The following CSMD1 variants were observed in gnomAD, a reference collection of about 807,000 sequenced individuals.
CSMD1 encodes the protein CUB and Sushi multiple domains 1.
CSMD1 carries 213 observed loss-of-function variants against 417.5 expected under a neutral mutation model. The ratio of observed to expected loss-of-function variants is 0.51; its 90% CI spans 0.46 to 0.57. CSMD1 has a LOEUF of 0.57. Among genes scored for constraint, CSMD1 ranks in the 20% least tolerant of loss-of-function variants. The pLI, the probability that CSMD1 is intolerant of heterozygous loss-of-function variation, is 0.00. For synonymous variants in CSMD1, 2,862 were observed against 1,736.8 expected (o/e 1.65, Z -16.11); for missense variants, 6,923 against 4,529.7 (o/e 1.53, Z -15.17).
At chr8:3,539,836 C>T (rs774347220) in intron 10 of CSMD1, among the ~76,000 whole-genome samples, 9 of 151,628 alleles carry the variant, frequency 5.9e-5, no homozygotes, top group Non-Finnish European at 8.8e-5. Flanking sequence ...GTTAAGGTGC[C>T]GTGGAAAATC....
At chr8:4,275,075 T>A (rs1796399277) in intron 3 of CSMD1, among the ~76,000 whole-genome samples, 1 of 152,142 alleles carries the variant, frequency 6.6e-6, no homozygotes, top group Non-Finnish European at 1.5e-5. Context: ...ACAATGAGAT[T>A]AGTGATATAA....
intron 4 of CSMD1, among the ~76,000 whole-genome samples, chr8:4,028,617 C>T (rs1797184965): frequency 6.6e-6 from 1 of 152,144 alleles, no homozygotes; most frequent in Non-Finnish European, 1.5e-5. Flanking sequence ...TGTAAATTGG[C>T]ATGCTTACAA....
In CSMD1 at chr8:3,669,984, C is replaced by A. The variant is rs540075925; in HGVS notation, c.1009+38430G>T. Reference sequence around the variant, plus strand: ...TTTATACCTTATTATTTTAAGCTATCAGGTGCAATTGCATACATTTCTAAA... The same window carrying A: ...TTTATACCTTATTATTTTAAGCTATAAGGTGCAATTGCATACATTTCTAAA... On this transcript the variant is annotated intron_variant, in intron 7 of 69. Coordinates refer to ENST00000635120, the MANE Select transcript of CSMD1 (RefSeq NM_033225.6). 4.6e-5 allele frequency among the ~76,000 whole-genome samples: 7 copies of A among 152,272 alleles called. No homozygotes were observed. The East Asian group carries it at 1.4e-3, about 29-fold the overall frequency.
intron 6 of CSMD1, among the ~76,000 whole-genome samples, chr8:3,736,668 C>G (rs1796535233): frequency 6.6e-6 from 1 of 152,198 alleles, no homozygotes. Flanking sequence ...GCGACCTGGC[C>G]TGACTCAGCT....
intron 7 of CSMD1, among the ~76,000 whole-genome samples, chr8:3,664,265 T>C (rs1263367556): frequency 3.3e-5 from 5 of 152,164 alleles, no homozygotes; most frequent in African/African-American, 1.2e-4. Context: ...TTCCCACCTA[T>C]GAGAGAGAAC....
intron 26 of CSMD1, chr8:3,278,324 T>C (rs567592712): frequency 6.6e-6 from 1 of 152,314 alleles, no homozygotes; most frequent in Admixed American, 6.5e-5. Context: ...AAAAATATAG[T>C]AATTCAAATG....
rs1819469218 is a variant in CSMD1, at chr8:3,155,495, G to A, written c.5914+2402C>T. 1.3e-5 allele frequency among the ~76,000 whole-genome samples: 2 copies of A among 150,764 alleles called. 1 individual carries two copies. The highest frequency in any genetic ancestry group is 4.9e-5 in the African/African-American group (2 of 41,012). On this transcript the variant is annotated intron_variant, in intron 39 of 69. Transcript: ENST00000635120. ...CCATTCTCCTGCCTCAGCCTCCCGA[G>A]TAGCTGAGACTACAGATGGTCGCCA...
intron 3 of CSMD1, among the ~76,000 whole-genome samples, chr8:4,335,178 A>G (rs1330981329): frequency 2.6e-5 from 4 of 152,118 alleles, no homozygotes; most frequent in Admixed American, 2.0e-4. Flanking sequence ...TGCTGGGATT[A>G]CAGGTGTGAG....
intron 3 of CSMD1, among the ~76,000 whole-genome samples, chr8:4,106,895 A>G (rs1391425190): frequency 2.0e-5 from 3 of 152,196 alleles, no homozygotes; most frequent in Admixed American, 6.5e-5. Context: ...GTTAATATTT[A>G]AAAACAAATC....
At chr8:3,498,474 T>A (rs1431981387) in intron 10 of CSMD1, among the ~76,000 whole-genome samples, 1 of 152,224 alleles carries the variant, frequency 6.6e-6, no homozygotes, top group Non-Finnish European at 1.5e-5. Context: ...TAATGCTCTT[T>A]GGAGAGCATC....
chr8:3,900,102 C>T (rs1807628121), intron 5 of CSMD1, among the ~76,000 whole-genome samples: 1 of 151,634 alleles, frequency 6.6e-6, no homozygotes, highest in African/African-American at 2.4e-5. Context: ...GATGGTGCAG[C>T]TGGTTGGCAC....
intron 1 of CSMD1, among the ~76,000 whole-genome samples, chr8:4,922,251 G>T (rs919923630): frequency 6.6e-6 from 1 of 152,114 alleles, no homozygotes; most frequent in South Asian, 2.1e-4. Flanking sequence ...AATGGCAGAT[G>T]ATACGTACAC....
intron 7 of CSMD1, among the ~76,000 whole-genome samples, chr8:3,626,169 T>C (rs1036481623): frequency 6.6e-6 from 1 of 152,190 alleles, no homozygotes; most frequent in African/African-American, 2.4e-5. Flanking sequence ...GACGTCTCTA[T>C]GCCTCCGGCT....
At chr8:4,110,262 A>G (rs1413089827) in intron 3 of CSMD1, among the ~76,000 whole-genome samples, 1 of 152,194 alleles carries the variant, frequency 6.6e-6, no homozygotes, top group Non-Finnish European at 1.5e-5. Flanking sequence ...CAACGAAACA[A>G]GTCATGATAT....
intron 2 of CSMD1, among the ~76,000 whole-genome samples, chr8:4,505,805 T>C (rs1187682820): frequency 6.6e-6 from 1 of 151,222 alleles, no homozygotes; most frequent in African/African-American, 2.4e-5. Flanking sequence ...TCATGTTCAA[T>C]ATTTTTTTTT....
intron 1 of CSMD1, among the ~76,000 whole-genome samples, chr8:4,740,858 A>T (rs1810558289): frequency 6.6e-6 from 1 of 152,220 alleles, no homozygotes; most frequent in Non-Finnish European, 1.5e-5. Flanking sequence ...ACTTTAACGA[A>T]CTTCTTCCCT....
intron 7 of CSMD1, among the ~76,000 whole-genome samples, chr8:3,704,531 T>A (rs548282299): frequency 6.6e-6 from 1 of 152,174 alleles, no homozygotes; most frequent in Non-Finnish European, 1.5e-5. Flanking sequence ...CTCAAACAGC[T>A]AGAGAGATAA....
intron 5 of CSMD1, among the ~76,000 whole-genome samples, chr8:3,935,658 G>T (rs946803686): frequency 1.3e-5 from 2 of 152,100 alleles, no homozygotes; most frequent in African/African-American, 4.8e-5. Context: ...GGTAAAATTA[G>T]TCAATAAATG....
At chr8:3,771,011 A>AGTGT (rs1798540112) in intron 5 of CSMD1, among the ~76,000 whole-genome samples, 1 of 102,544 alleles carries the variant, frequency 9.8e-6, no homozygotes, top group Non-Finnish European at 1.9e-5. Context: ...TCTCTCTGTC[A>AGTGT]GTGTGTCTGT....
Sources: gnomAD v4.1 joint callset for allele counts (sites outside exome capture counted in the v4.1 genomes callset) on GRCh38, gnomAD v4.1.1 for gene constraint, MANE v1.5 for transcripts, NCBI Gene and HGNC (gene_info 2026-07-23, HGNC 2026-07-21) for gene names.